The following UNC93A variants were observed in gnomAD, a reference collection of about 807,000 sequenced individuals.
UNC93A encodes the protein N-acetylglucosamine transporter UNC93A.
In UNC93A, 43 loss-of-function variants were observed where a neutral mutation model predicts 47.5. The observed-to-expected ratio is 0.91, with a 90% CI of 0.71 to 1.17. The LOEUF (loss-of-function observed/expected upper bound fraction) is 1.17. Ranked by LOEUF, UNC93A falls within the 50% of genes most tolerant of loss-of-function variation. The pLI, the probability that UNC93A is intolerant of heterozygous loss-of-function variation, is 0.00. For missense variants in UNC93A, 605 were observed against 577.6 expected (o/e 1.05, Z -0.49); for synonymous variants, 280 against 258.0 (o/e 1.09, Z -0.82).
intron 1 of UNC93A, among the ~76,000 whole-genome samples, chr6:167,273,381 C>A (rs1783483483): frequency 6.6e-6 from 1 of 152,130 alleles, no homozygotes; most frequent in African/African-American, 2.4e-5. Context: ...TCCTCCCCAG[C>A]CATGCCTCCT....
chr6:167,285,954 CTCTCTCTA>C (rs1327956777), intron 1 of UNC93A, among the ~76,000 whole-genome samples: 4 of 141,026 alleles, frequency 2.8e-5, no homozygotes, highest in East Asian at 2.0e-4. Flanking sequence ...CTCTCTCTCT[CTCTCTCTA>C]TATATATATA....
intron 1 of UNC93A, among the ~76,000 whole-genome samples, chr6:167,294,242 G>A (rs537167001): frequency 3.9e-5 from 6 of 152,314 alleles, no homozygotes; most frequent in Non-Finnish European, 8.8e-5. Flanking sequence ...ACAGAGGCGT[G>A]AGCGGCTCTC....
rs184886215 is a variant in UNC93A at position 167,299,486 on chromosome 6, G to A, written c.625+1416G>A. ...AGCTATCGCTGGAAGTCGACAAAGT[G>A]TACTGAGCACGTGCTAGGCCATGCT... On this transcript the variant is annotated intron_variant, in intron 4 of 7. Coordinates refer to ENST00000230256, the MANE Select transcript of UNC93A (RefSeq NM_018974.4). Among the ~76,000 whole-genome samples, 10 of 152,322 alleles carry A rather than the reference G, an allele frequency of 6.6e-5. No individual in the cohort carries two copies. The East Asian group carries it at 7.7e-4, about 12-fold the overall frequency.
chr6:167,301,535 G>A (rs1384861951), intron 4 of UNC93A, among the ~76,000 whole-genome samples: 1 of 152,156 alleles, frequency 6.6e-6, no homozygotes, highest in Non-Finnish European at 1.5e-5. Flanking sequence ...TTCTTGCAAA[G>A]AGCCATTCTC....
upstream of UNC93A, among the ~76,000 whole-genome samples, chr6:167,288,231 A>G (rs974238111): frequency 3.9e-5 from 6 of 152,162 alleles, no homozygotes; most frequent in African/African-American, 9.7e-5. Flanking sequence ...GACATAGCCA[A>G]CTGGCCCCAA....
At chr6:167,296,790 T>TGACCTTAGTGCCCAC (rs1349280013) in intron 3 of UNC93A, among the ~76,000 whole-genome samples, 1 of 152,222 alleles carries the variant, frequency 6.6e-6, no homozygotes, top group African/African-American at 2.4e-5. Context: ...TTTGTGCCCA[T>TGACCTTAGTGCCCAC]GACCTTAGTG....
chr6:167,280,852 C>T (rs115665419), intron 1 of UNC93A, among the ~76,000 whole-genome samples: 1,920 of 152,206 alleles, frequency 0.013, 47 homozygotes, highest in African/African-American at 0.044. Context: ...ACTGAAAACG[C>T]CCATCAGCAG....
intron 1 of UNC93A, 35 bp from the exon 2 acceptor site, chr6:167,294,473 TGTGTCCATC>T: frequency 6.2e-7 from 1 of 1,607,078 alleles, no homozygotes; most frequent in Non-Finnish European, 8.5e-7. Context: ...CTCATCCCGC[TGTGTCCATC>T]CTGTGCTCTG....
chr6:167,298,453 G>T, intron 4 of UNC93A: 1 of 158,094 alleles, frequency 6.3e-6, no homozygotes, highest in Non-Finnish European at 1.4e-5. Context: ...GGCTGGCTAG[G>T]GCACTGGGAT....
rs71554919 is a variant in UNC93A, at chr6:167,285,960, CTA to C, written c.-51-5460_-51-5459del. ...TCTTTCTCTCTCTCTCTCTCTCTCT[CTA>C]TATATATATATATATATACACACAC... On this transcript the variant is annotated intron_variant, in intron 1 of 3. Coordinates refer to the UNC93A transcript ENST00000503433. 8.5e-3 allele frequency among the ~76,000 whole-genome samples: 1,185 copies of C among 139,100 alleles called. 18 individuals are homozygous for C. The highest frequency in any genetic ancestry group is 0.011 in the Non-Finnish European group (708 of 62,324). 91.3% of individuals were successfully genotyped at this position (139,100 alleles called of 152,430 possible). A position where few individuals can be genotyped will look rare whatever the true frequency, so the allele number is the denominator to read the frequency against.
At chr6:167,311,363 C>G (rs1028359737) in intron 7 of UNC93A, among the ~76,000 whole-genome samples, 1 of 152,198 alleles carries the variant, frequency 6.6e-6, no homozygotes, top group African/African-American at 2.4e-5. Context: ...GGATCCCTGG[C>G]TCACTGTCCC....
At chr6:167,295,161 G>T (rs1299841859) in intron 2 of UNC93A, among the ~76,000 whole-genome samples, 1 of 152,152 alleles carries the variant, frequency 6.6e-6, no homozygotes, top group Non-Finnish European at 1.5e-5. Context: ...TCCCTGGTGA[G>T]ATGGACCACA....
At chr6:167,305,280 G>A (rs918182134) in intron 5 of UNC93A, among the ~76,000 whole-genome samples, 11 of 152,208 alleles carry the variant, frequency 7.2e-5, no homozygotes, top group African/African-American at 2.7e-4. Flanking sequence ...GAGAATCTTA[G>A]GAGCTTAAAA....
At chr6:167,269,079 T>C (rs915894041), upstream of UNC93A, among the ~76,000 whole-genome samples, 1 of 152,172 alleles carries the variant, frequency 6.6e-6, no homozygotes, top group African/African-American at 2.4e-5. Flanking sequence ...GGGGCCCCAA[T>C]GTGTGACTGA....
At chr6:167,307,697 T>A in intron 6 of UNC93A, 82 bp from the exon 7 acceptor site, 1 of 1,473,538 alleles carries the variant, frequency 6.8e-7, no homozygotes, top group Non-Finnish European at 9.1e-7. Context: ...AGATGGTTGC[T>A]CCAGCACTGA....
intron 7 of UNC93A, 142 bp from the exon 8 acceptor site, chr6:167,315,045 T>C (rs1562363773): frequency 3.2e-6 from 4 of 1,243,396 alleles, no homozygotes; most frequent in Non-Finnish European, 4.4e-6. Flanking sequence ...TCATCTGGCA[T>C]GTAAAATCAT....
At chr6:167,303,882 C>G in intron 4 of UNC93A, 37 bp from the exon 5 acceptor site, 1 of 1,607,318 alleles carries the variant, frequency 6.2e-7, no homozygotes, top group Non-Finnish European at 8.5e-7. Flanking sequence ...GCCTCTGGGC[C>G]CCCATGAAAG....
At chr6:167,299,730 C>G (rs947154734) in intron 4 of UNC93A, among the ~76,000 whole-genome samples, 2 of 152,160 alleles carry the variant, frequency 1.3e-5, no homozygotes, top group Non-Finnish European at 2.9e-5. Flanking sequence ...GGACAATGAG[C>G]AAGATTTGGC....
upstream of UNC93A, among the ~76,000 whole-genome samples, chr6:167,286,896 T>C (rs1159656632): frequency 6.8e-6 from 1 of 147,406 alleles, no homozygotes; most frequent in African/African-American, 2.5e-5. Context: ...GAGAATTGCT[T>C]GAACCCGGGA....
Sources: allele counts gnomAD v4.1 joint callset (sites outside exome capture counted in the v4.1 genomes callset), GRCh38; gene constraint gnomAD v4.1.1; transcripts MANE v1.5; gene names NCBI Gene and HGNC (gene_info 2026-07-23, HGNC 2026-07-21).